CAPN7: variants seen among roughly 807,000 people sequenced by gnomAD.
CAPN7 encodes calpain 7.
A neutral mutation model predicts 115.2 loss-of-function variants in CAPN7; 72 were observed. The observed-to-expected ratio is 0.63, with a 90% confidence interval of 0.52 to 0.76. CAPN7 has a LOEUF of 0.76. Ranked by LOEUF, CAPN7 falls within the 30% of genes least tolerant of loss-of-function variation. The pLI is 0.00. For missense variants in CAPN7, 905 were observed against 971.5 expected (o/e 0.93, Z 0.91); for synonymous variants, 344 against 322.3 (o/e 1.07, Z -0.72).
At chr3:15,241,364 G>A (rs1185965145) in intron 14 of CAPN7, 89 bp from the exon 15 acceptor site, 2 of 1,348,434 alleles carry the variant, frequency 1.5e-6, no homozygotes, top group Admixed American at 4.4e-5. Flanking sequence ...CAAAAACTTG[G>A]ATAGCTTAAT....
intron 4 of CAPN7, 69 bp downstream of exon 4, chr3:15,218,609 T>C (rs1235799142): frequency 8.8e-7 from 1 of 1,134,884 alleles, no homozygotes; most frequent in Admixed American, 1.9e-5. Context: ...TTTATCTAAA[T>C]GTGTTGTAAA....
intron 10 of CAPN7, among the ~76,000 whole-genome samples, chr3:15,233,397 A>T (rs942444299): frequency 1.3e-5 from 2 of 152,180 alleles, no homozygotes; most frequent in Non-Finnish European, 2.9e-5. Flanking sequence ...ATGCAATAGG[A>T]TGTTACAGTT....
intron 2 of CAPN7, among the ~76,000 whole-genome samples, chr3:15,214,677 C>T (rs1187172045): frequency 6.6e-6 from 1 of 152,160 alleles, no homozygotes; most frequent in Non-Finnish European, 1.5e-5. Flanking sequence ...GTGATTACAC[C>T]ACTGCCCTCA....
At chr3:15,243,311 C>T (rs536016932) in intron 16 of CAPN7, among the ~76,000 whole-genome samples, 104 of 152,248 alleles carry the variant, frequency 6.8e-4, no homozygotes, top group African/African-American at 2.4e-3. Context: ...AGGAAGGGTT[C>T]GGAGAGTCTT....
Position 15,251,444 on chromosome 3 carries a change from A to C in CAPN7, c.*184A>C. On this transcript the variant is annotated 3_prime_UTR_variant, in exon 21 of 21. Coordinates refer to ENST00000253693, the MANE Select transcript of CAPN7 (RefSeq NM_014296.3). ...GAACTGTATATAGTCAGAATTACCT[A>C]AATCACCTAGAGGTACCGTTTACAT... 2.0e-6 allele frequency: 1 copy of C among 497,706 alleles called. No homozygotes were observed. The highest frequency in any genetic ancestry group is 3.7e-5 in the South Asian group (1 of 26,940). 30.8% of individuals were successfully genotyped at this position (497,706 alleles called of 1,614,324 possible).
intron 20 of CAPN7, 23 bp downstream of exon 20, chr3:15,251,046 A>G (rs1295359981): frequency 6.3e-7 from 1 of 1,599,486 alleles, no homozygotes; most frequent in South Asian, 1.1e-5. Context: ...TTTTTATTGT[A>G]TCTATTTTAT....
In CAPN7 at chr3:15,245,543, A is replaced by C; in HGVS notation, c.1882A>C (p.Ile628Leu). ...GTTTGCAGCTGACCCACCTCCATAC[A>C]TTGATGGAATTCGAATTAACAGCCC... Reference protein sequence around the residue: ...VYYPADPPPYIDGIRINSPHY... With the variant: ...VYYPADPPPYLDGIRINSPHY... The change falls in exon 17 of 21, where the codon ATT (isoleucine) becomes CTT (leucine). Residue 628 changes from isoleucine (I) to leucine (L), a missense_variant. Ile to Leu is a conservative substitution (Grantham distance 5). Around this residue, in one of 3 missense-constraint regions of CAPN7, gnomAD observed 620 missense variants for 703.4 expected, o/e 0.88. Coordinates refer to ENST00000253693, the MANE Select transcript of CAPN7 (RefSeq NM_014296.3). 1.2e-6 allele frequency: 2 copies of C among 1,613,742 alleles called. No individual in the cohort carries two copies. Among genetic ancestry groups the C allele is most frequent in the Non-Finnish European group, 1.7e-6 (2 of 1,179,844 alleles).
At chr3:15,228,482 A>G (rs1010603734) in intron 7 of CAPN7, among the ~76,000 whole-genome samples, 2 of 152,230 alleles carry the variant, frequency 1.3e-5, no homozygotes, top group Admixed American at 1.3e-4. Flanking sequence ...CATCAGTGAC[A>G]GATTGGATGA....
chr3:15,241,371 T>G, intron 14 of CAPN7, 82 bp from the exon 15 acceptor site: 2 of 1,417,094 alleles, frequency 1.4e-6, no homozygotes, highest in Admixed American at 2.1e-5. Flanking sequence ...TTGGATAGCT[T>G]AATTCACTTT....
Position 15,232,666 on chromosome 3 carries a change from G to A in CAPN7, c.1179+1G>A, listed in dbSNP as rs1472242421. ...ATATGATTTTCCAGGATCCAACTCCGTAAGTAATAGATAAGACGATCCAGA... is the reference window on the plus strand; with the variant it reads ...ATATGATTTTCCAGGATCCAACTCCATAAGTAATAGATAAGACGATCCAGA... On this transcript the variant is annotated splice_donor_variant, in intron 10 of 20. Coordinates refer to ENST00000253693, the MANE Select transcript of CAPN7 (RefSeq NM_014296.3). LOFTEE classifies it high-confidence loss of function. 1.1e-5 allele frequency: 18 copies of A among 1,602,636 alleles called. No homozygotes were observed. The highest frequency in any genetic ancestry group is 2.7e-5 in the African/African-American group (2 of 74,114).
At chr3:15,236,898 T>C (rs1178450737) in intron 12 of CAPN7, among the ~76,000 whole-genome samples, 3 of 152,072 alleles carry the variant, frequency 2.0e-5, no homozygotes, top group Non-Finnish European at 4.4e-5. Context: ...GAGTGGTGAG[T>C]GAATGGGAAA....
At chr3:15,231,304 G>C (rs1048356428) in intron 9 of CAPN7, among the ~76,000 whole-genome samples, 6 of 152,126 alleles carry the variant, frequency 3.9e-5, no homozygotes, top group African/African-American at 1.4e-4. Context: ...TCTGAGATGA[G>C]ATCAAAATTT....
At position 15,220,833 on chromosome 3, in the gene CAPN7, A is replaced by G; in HGVS notation, c.490A>G (p.Thr164Ala). The change falls in exon 5 of 21, where the codon ACA (threonine) becomes GCA (alanine). Residue 164 changes from threonine to alanine, a missense_variant. Physicochemically the swap from Thr to Ala is moderately conservative, Grantham distance 58. Around this residue, in one of 3 missense-constraint regions of CAPN7, gnomAD observed 271 missense variants for 239.6 expected, o/e 1.13. Coordinates refer to ENST00000253693, the MANE Select transcript of CAPN7 (RefSeq NM_014296.3). ...LTKPVGKISSTSVKPKPPPVR... is the reference protein window; with the variant it reads ...LTKPVGKISSASVKPKPPPVR... ...CAAGCCAGTTGGCAAAATCAGTTCA[A>G]CAAGTGTTAAGCCAAAGCCACCTCC... is the stretch of plus-strand genomic sequence containing the variant. The G allele has an allele frequency of 6.2e-7, 1 of 1,614,196 alleles. No homozygotes were observed. The highest frequency in any genetic ancestry group is 8.5e-7 in the Non-Finnish European group (1 of 1,180,036).
In CAPN7 at chr3:15,247,439, T is replaced by C. The variant is rs780499942; in HGVS notation, c.2186T>C (p.Ile729Thr). The stretch of plus-strand genomic sequence containing the variant: ...ATAGAAAAGACTGGGCCGTTACTGA[T>C]TGAGCTACGAGGACCAAGGTTTGTG... ...FHIEKTGPLL[I>T]ELRGPRQYSV... The change falls in exon 19 of 21, where the codon ATT (isoleucine) becomes ACT (threonine). Residue 729 changes from isoleucine to threonine, a missense_variant. Ile to Thr is a moderately conservative substitution (Grantham distance 89). Around this residue, in one of 3 missense-constraint regions of CAPN7, gnomAD observed 620 missense variants for 703.4 expected, o/e 0.88. Transcript: ENST00000253693. The C allele has an allele frequency of 6.2e-7, 1 of 1,601,870 alleles. No homozygotes were observed. Among genetic ancestry groups the C allele is most frequent in the Non-Finnish European group, 8.5e-7 (1 of 1,176,420 alleles).
chr3:15,210,499 A>C (rs1333679095), intron 1 of CAPN7, among the ~76,000 whole-genome samples: 1 of 150,518 alleles, frequency 6.6e-6, no homozygotes, highest in Non-Finnish European at 1.5e-5. Context: ...ATAGTTATAG[A>C]ATCTAAGGAA....
intron 9 of CAPN7, among the ~76,000 whole-genome samples, chr3:15,231,879 T>C (rs10510438): frequency 0.12 from 17,930 of 152,172 alleles, 3,521 homozygotes; most frequent in African/African-American, 0.4. Context: ...ACTTCCTCTG[T>C]TATTTATATG....
rs1401377150 is a variant in CAPN7 at position 15,220,807 on chromosome 3, C to A, written c.464C>A (p.Thr155Asn). 6.2e-7 allele frequency: 1 copy of A among 1,614,138 alleles called. No individual in the cohort carries two copies. The highest frequency in any genetic ancestry group is 8.5e-7 in the Non-Finnish European group (1 of 1,180,026). Residue 155 changes from threonine to asparagine, a missense_variant, in exon 5 of 21, where the codon ACC becomes AAC. This residue lies in a region of CAPN7 where 271 missense variants were observed against 239.6 expected (regional missense o/e 1.13). Coordinates refer to ENST00000253693, the MANE Select transcript of CAPN7 (RefSeq NM_014296.3). ...GCAGAAGCGCTGAGTGAGCCTTTGACCAAGCCAGTTGGCAAAATCAGTTCA... is the reference window on the plus strand; with the variant it reads ...GCAGAAGCGCTGAGTGAGCCTTTGAACAAGCCAGTTGGCAAAATCAGTTCA... ...DRAEALSEPLTKPVGKISSTS... is the reference protein window; with the variant it reads ...DRAEALSEPLNKPVGKISSTS...
At chr3:15,220,272 G>C (rs966327273) in intron 4 of CAPN7, among the ~76,000 whole-genome samples, 2 of 152,106 alleles carry the variant, frequency 1.3e-5, no homozygotes, top group African/African-American at 4.8e-5. Flanking sequence ...CTGCACGTTT[G>C]TACATGTTCT....
intron 19 of CAPN7, among the ~76,000 whole-genome samples, chr3:15,247,974 A>G (rs963145105): frequency 1.3e-5 from 2 of 151,174 alleles, no homozygotes; most frequent in South Asian, 2.1e-4. Flanking sequence ...GAATTGAACA[A>G]TGAGATCACA....
Sources: gnomAD v4.1 joint callset for allele counts (sites outside exome capture counted in the v4.1 genomes callset) on GRCh38, gnomAD v4.1.1 for gene constraint, gnomAD v4.1.1 regional missense constraint, MANE v1.5 for transcripts, NCBI Gene and HGNC (gene_info 2026-07-23, HGNC 2026-07-21) for gene names.